TOGARAM1: variants seen among roughly 807,000 people sequenced by gnomAD.
The protein encoded by TOGARAM1 is TOG array regulator of axonemal microtubules 1.
TOGARAM1 carries 100 observed loss-of-function variants against 166.6 expected under a neutral mutation model. The observed-to-expected ratio is 0.60, with a 90% CI of 0.51 to 0.71. TOGARAM1 has a LOEUF of 0.71. Ranked by LOEUF, TOGARAM1 falls within the 30% of genes least tolerant of loss-of-function variation. The pLI is 0.00. For missense variants in TOGARAM1, 2,029 were observed against 2,102.7 expected (o/e 0.96, Z 0.69); for synonymous variants, 758 against 763.8 (o/e 0.99, Z 0.13).
chr14:45,004,091 C>T lies in TOGARAM1; in HGVS notation c.2369C>T (p.Thr790Ile). ...VYASLNFGSK[T>I]QQTFGSQTEC... The stretch of plus-strand genomic sequence containing the variant: ...GCTAGCCTCAATTTTGGCAGTAAGA[C>T]ACAGCAAACATTTGGTAGTCAAACA... Residue 790 changes from threonine to isoleucine, a missense_variant, in exon 4 of 20, where the codon ACA becomes ATA. Around this residue, in one of 2 missense-constraint regions of TOGARAM1, gnomAD observed 1,453 missense variants for 1,432.2 expected, o/e 1.01. Transcript: ENST00000361462. 1 of 1,613,968 alleles carries T rather than the reference C, an allele frequency of 6.2e-7. No homozygotes were observed. Among genetic ancestry groups the T allele is most frequent in the East Asian group, 2.2e-5 (1 of 44,864 alleles).
intron 8 of TOGARAM1, among the ~76,000 whole-genome samples, chr14:45,026,835 CA>C (rs57156294): frequency 3.0e-3 from 412 of 139,280 alleles, no homozygotes; most frequent in Middle Eastern, 3.7e-3. Flanking sequence ...CCATCTCTAC[CA>C]AAAAAAAAAA....
rs73348086 is a variant in TOGARAM1, at chr14:45,027,212, G to T, written c.3329-87G>T. 3,280 of 1,303,222 alleles carry T rather than the reference G, an allele frequency of 2.5e-3. 49 individuals are homozygous for T. In the African/African-American group the frequency reaches 0.04, roughly 16 times the overall value. The allele number at this position is 1,303,222 out of a possible 1,614,324, so 80.7% of individuals were successfully genotyped here. A position where few individuals can be genotyped will look rare whatever the true frequency, so the allele number is the denominator to read the frequency against. On this transcript the variant is annotated intron_variant, in intron 8 of 19. Coordinates refer to ENST00000361462, the MANE Select transcript of TOGARAM1 (RefSeq NM_001308120.2). ...TTACTAACTGTGTTGTTTGATTCTT[G>T]AAGGCAAGAGCCTTGCCTTAAACTT...
intron 3 of TOGARAM1, among the ~76,000 whole-genome samples, chr14:44,999,934 A>G (rs1408334461): frequency 6.6e-6 from 1 of 152,186 alleles, no homozygotes; most frequent in Non-Finnish European, 1.5e-5. Flanking sequence ...TGTTAACTAT[A>G]GTCACCTTAT....
At chr14:44,991,742 A>T (rs559940727) in intron 1 of TOGARAM1, among the ~76,000 whole-genome samples, 184 of 149,000 alleles carry the variant, frequency 1.2e-3, no homozygotes, top group East Asian at 5.0e-3. Flanking sequence ...TTTTTTTTTT[A>T]AAATAGCTTA....
At chr14:44,985,530 A>G (rs1164882977) in intron 1 of TOGARAM1, among the ~76,000 whole-genome samples, 2 of 152,186 alleles carry the variant, frequency 1.3e-5, no homozygotes, top group Non-Finnish European at 2.9e-5. Context: ...GGAGTGTGCA[A>G]CCTAGATTCC....
chr14:44,998,869 T>C (rs992886208), intron 2 of TOGARAM1, among the ~76,000 whole-genome samples: 2 of 151,986 alleles, frequency 1.3e-5, no homozygotes, highest in Admixed American at 1.3e-4. Flanking sequence ...AGGAAACATA[T>C]CTGGATATGC....
At chr14:44,973,831 C>A (rs1886036993) in intron 1 of TOGARAM1, among the ~76,000 whole-genome samples, 1 of 151,518 alleles carries the variant, frequency 6.6e-6, no homozygotes, top group Admixed American at 6.6e-5. Flanking sequence ...ATATTCCAAT[C>A]CACTTTCTTC....
chr14:45,037,766 G>C (rs562768200), intron 11 of TOGARAM1, among the ~76,000 whole-genome samples: 1 of 151,976 alleles, frequency 6.6e-6, no homozygotes. Context: ...GGTGGCTCAT[G>C]CCTGTAATCT....
intron 11 of TOGARAM1, among the ~76,000 whole-genome samples, chr14:45,042,975 T>G (rs1881802889): frequency 6.6e-6 from 1 of 152,222 alleles, no homozygotes; most frequent in Non-Finnish European, 1.5e-5. Context: ...CATGCTAACA[T>G]AACTTCAATT....
intron 1 of TOGARAM1, among the ~76,000 whole-genome samples, chr14:44,976,865 T>C (rs1478166776): frequency 6.6e-6 from 1 of 152,216 alleles, no homozygotes; most frequent in Non-Finnish European, 1.5e-5. Flanking sequence ...ATAGTTTCGA[T>C]GTCAGTTACT....
In TOGARAM1 at chr14:44,963,498, A is replaced by G. The variant is rs769794179; in HGVS notation, c.1077A>G (p.Leu359=). The G allele has an allele frequency of 1.2e-6, 2 of 1,614,110 alleles. No homozygotes were observed. The highest frequency in any genetic ancestry group is 2.7e-5 in the African/African-American group (2 of 74,924). The change falls in exon 1 of 20, where the codon TTA becomes TTG. Residue 359 remains leucine, a synonymous_variant. Transcript: ENST00000361462. ...TTCCTCAGGAGCTGCATTCACGATTATTGGATCAGGAAGACTATAAGAACC... is the reference window on the plus strand; with the variant it reads ...TTCCTCAGGAGCTGCATTCACGATTGTTGGATCAGGAAGACTATAAGAACC... ...GIIPQELHSR[L]LDQEDYKNRT...
At position 44,973,598 on chromosome 14, in the gene TOGARAM1, A is replaced by C. The variant is rs368278098; in HGVS notation, c.2046+9131A>C. ...GTACTTTCTCTCTCTCTCTCTCTCT[A>C]TATATACATATATATATATCTCTCT... On this transcript the variant is annotated intron_variant, in intron 1 of 19. Coordinates refer to ENST00000361462, the MANE Select transcript of TOGARAM1 (RefSeq NM_001308120.2). Among the ~76,000 whole-genome samples the C allele has an allele frequency of 3.1e-3, 468 of 150,868 alleles. 3 individuals carry two copies. The highest frequency in any genetic ancestry group is 5.2e-3 in the South Asian group (25 of 4,778).
intron 7 of TOGARAM1, among the ~76,000 whole-genome samples, chr14:45,014,082 G>T (rs374077922): frequency 7.5e-6 from 1 of 133,488 alleles, no homozygotes; most frequent in Admixed American, 8.3e-5. Context: ...GTCTCGCTCT[G>T]TCGCTGAGGC....
chr14:45,040,033 C>G (rs1468466991), intron 11 of TOGARAM1, among the ~76,000 whole-genome samples: 5 of 152,158 alleles, frequency 3.3e-5, no homozygotes, highest in African/African-American at 4.8e-5. Flanking sequence ...CTGTTCAAGT[C>G]CACAAGATAT....
At position 45,005,870 on chromosome 14, in the gene TOGARAM1, T is replaced by A. The variant is rs1168954389; in HGVS notation, c.2645-138T>A. 3 of 586,690 alleles carry A rather than the reference T, an allele frequency of 5.1e-6. No individual in the cohort carries two copies. The South Asian group carries it at 1.1e-4, about 21-fold the overall frequency. 36.3% of individuals were successfully genotyped at this position (586,690 alleles called of 1,614,324 possible). A position where few individuals can be genotyped will look rare whatever the true frequency, so the allele number is the denominator to read the frequency against. On this transcript the variant is annotated intron_variant, in intron 4 of 19. Coordinates refer to ENST00000361462, the MANE Select transcript of TOGARAM1 (RefSeq NM_001308120.2). ...TATTGTATCGAAAGCCGAGGCTTTA[T>A]TCAGCTTGTTCTCCCCAGTGACCAG...
At chr14:44,998,444 G>A (rs1263607059) in intron 2 of TOGARAM1, among the ~76,000 whole-genome samples, 1 of 152,222 alleles carries the variant, frequency 6.6e-6, no homozygotes, top group African/African-American at 2.4e-5. Flanking sequence ...GCTGGGCGCT[G>A]TGGCTCACGC....
At chr14:44,977,140 T>C (rs558019158) in intron 1 of TOGARAM1, among the ~76,000 whole-genome samples, 20 of 152,196 alleles carry the variant, frequency 1.3e-4, no homozygotes, top group Non-Finnish European at 2.9e-4. Context: ...TAACTCTTCA[T>C]ATTCTGCTTT....
At chr14:44,994,621 G>T (rs565299878) in intron 1 of TOGARAM1, among the ~76,000 whole-genome samples, 1 of 152,258 alleles carries the variant, frequency 6.6e-6, no homozygotes, top group South Asian at 2.1e-4. Flanking sequence ...ATTTCACTAT[G>T]TTGCCAAGGC....
intron 1 of TOGARAM1, among the ~76,000 whole-genome samples, chr14:44,969,149 T>TTC (rs1566595735): frequency 3.1e-3 from 375 of 122,714 alleles, no homozygotes; most frequent in African/African-American, 0.013. Flanking sequence ...TTCCTTCCTT[T>TTC]CTTTCTTTCT....
Sources: allele counts gnomAD v4.1 joint callset (sites outside exome capture counted in the v4.1 genomes callset), GRCh38; gene constraint gnomAD v4.1.1; regional missense constraint gnomAD v4.1.1; transcripts MANE v1.5; gene names NCBI Gene and HGNC (gene_info 2026-07-23, HGNC 2026-07-21).